The following ITPR1 variants were observed in gnomAD, a reference collection of about 807,000 sequenced individuals.
ITPR1 encodes the protein inositol 1,4,5-trisphosphate receptor type 1, also known as inositol 1,4,5-trisphosphate-gated calcium channel ITPR1.
In ITPR1, 96 loss-of-function variants were observed where a neutral mutation model predicts 318.4. The observed-to-expected ratio is 0.30, with a 90% confidence interval of 0.26 to 0.36. The LOEUF is 0.36. Among genes scored for constraint, ITPR1 ranks in the 10% least tolerant of loss-of-function variants. The pLI is 1.00. For missense variants in ITPR1, 2,440 were observed against 3,460.2 expected (o/e 0.71, Z 7.40); for synonymous variants, 1,312 against 1,289.9 (o/e 1.02, Z -0.37).
intron 44 of ITPR1, among the ~76,000 whole-genome samples, chr3:4,741,741 A>C (rs1264179760): frequency 2.0e-5 from 3 of 152,332 alleles, no homozygotes; most frequent in African/African-American, 4.8e-5. Flanking sequence ...ATGGAAGGCC[A>C]GTTTGTGAGG....
At chr3:4,518,229 G>A (rs1193338139) in intron 3 of ITPR1, among the ~76,000 whole-genome samples, 1 of 152,092 alleles carries the variant, frequency 6.6e-6, no homozygotes, top group East Asian at 1.9e-4. Context: ...CTATTCCCAT[G>A]TTTCCCCTGG....
At chr3:4,597,876 T>G (rs77441003) in intron 4 of ITPR1, among the ~76,000 whole-genome samples, 3,171 of 152,302 alleles carry the variant, frequency 0.021, 107 homozygotes, top group African/African-American at 0.073. Context: ...TTCTCACTAG[T>G]GTTCATGCCT....
intron 6 of ITPR1, among the ~76,000 whole-genome samples, chr3:4,639,752 G>C (rs2093293880): frequency 6.6e-6 from 1 of 151,686 alleles, no homozygotes. Flanking sequence ...AAGGAACCTG[G>C]CTGTGGCAGT....
intron 4 of ITPR1, among the ~76,000 whole-genome samples, chr3:4,545,714 T>A (rs1417631400): frequency 1.4e-5 from 2 of 141,952 alleles, no homozygotes; most frequent in African/African-American, 2.6e-5. Context: ...TTTTTTTTTT[T>A]AAAGACAGAG....
chr3:4,616,550 A>T lies in ITPR1; in HGVS notation c.164-11213A>T, dbSNP rs993301561. Among the ~76,000 whole-genome samples the T allele has an allele frequency of 5.3e-5, 8 of 152,178 alleles. No homozygotes were observed. The East Asian group carries it at 1.2e-3, about 22-fold the overall frequency. On this transcript the variant is annotated intron_variant, in intron 4 of 61. Transcript: ENST00000649015. ...TTCATATTCACTGCTTGTGTATATC[A>T]CCTATTGATTTCATCTCATATAAAA...
intron 15 of ITPR1, among the ~76,000 whole-genome samples, chr3:4,662,522 A>AG (rs1208631725): frequency 2.8e-4 from 42 of 152,310 alleles, no homozygotes; most frequent in African/African-American, 1.0e-3. Flanking sequence ...CAGCAGTTCG[A>AG]GACCAGCCTG....
intron 8 of ITPR1, among the ~76,000 whole-genome samples, chr3:4,644,769 T>G (rs59079559): frequency 0.15 from 22,230 of 152,230 alleles, 1,842 homozygotes; most frequent in African/African-American, 0.21. Flanking sequence ...GGGATAGATG[T>G]GGGTTCACAT....
At position 4,503,430 on chromosome 3, in the gene ITPR1, C is replaced by T. The variant is rs187591348; in HGVS notation, c.-17+8924C>T. ...GGTGTAAAAATAAAAATACCTGCTTCGGGTCATTGCTGCCGAGTTGTCTAA... is the reference window on the plus strand; with the variant it reads ...GGTGTAAAAATAAAAATACCTGCTTTGGGTCATTGCTGCCGAGTTGTCTAA... On this transcript the variant is annotated intron_variant, in intron 2 of 61. Coordinates refer to ENST00000649015, the MANE Select transcript of ITPR1 (RefSeq NM_001378452.1). Among the ~76,000 whole-genome samples, 9 of 152,188 alleles carry T rather than the reference C, an allele frequency of 5.9e-5. No homozygotes were observed. In the South Asian group the frequency reaches 6.2e-4, roughly 11 times the overall value.
At chr3:4,773,069 A>C (rs1294695865) in intron 46 of ITPR1, among the ~76,000 whole-genome samples, 1 of 152,262 alleles carries the variant, frequency 6.6e-6, no homozygotes, top group Non-Finnish European at 1.5e-5. Flanking sequence ...AGCGCTGTCA[A>C]CGTGGTCCTT....
Position 4,773,714 on chromosome 3 carries a change from A to T in ITPR1, c.5980-1528A>T, listed in dbSNP as rs77109297. Among the ~76,000 whole-genome samples the T allele has an allele frequency of 6.2e-3, 948 of 152,294 alleles. 2 individuals are homozygous for T. Among genetic ancestry groups the T allele is most frequent in the Non-Finnish European group, 0.01 (706 of 68,016 alleles). On this transcript the variant is annotated intron_variant, in intron 46 of 61. Transcript: ENST00000649015. ...GGCTGAGCCAACCCCTCAAACAGGT[A>T]GTATCTTCCCTGAGGAGCTGGAGCA...
intron 47 of ITPR1, 76 bp from the exon 48 acceptor site, chr3:4,777,188 C>T (rs2046536391): frequency 5.0e-6 from 4 of 802,442 alleles, no homozygotes; most frequent in Non-Finnish European, 2.1e-6. Flanking sequence ...GTTGAAATAG[C>T]AGTTCAGCCT....
At chr3:4,540,466 G>C (rs770350090) in intron 4 of ITPR1, among the ~76,000 whole-genome samples, 2 of 152,128 alleles carry the variant, frequency 1.3e-5, no homozygotes, top group Non-Finnish European at 2.9e-5. Flanking sequence ...GGAATGTTTA[G>C]TCCATTTACA....
chr3:4,519,710 A>T (rs1386169821), intron 3 of ITPR1, among the ~76,000 whole-genome samples: 1 of 152,198 alleles, frequency 6.6e-6, no homozygotes, highest in East Asian at 1.9e-4. Flanking sequence ...CTTCTTGTTT[A>T]TACAGTGAAG....
At chr3:4,680,776 A>G in intron 25 of ITPR1, 85 bp downstream of exon 25, 3 of 1,241,122 alleles carry the variant, frequency 2.4e-6, no homozygotes, top group Non-Finnish European at 3.3e-6. Context: ...TCTTCTAGAA[A>G]AAGGGTGAAA....
chr3:4,525,452 T>G lies in ITPR1; in HGVS notation c.163+4358T>G, dbSNP rs148136866. On this transcript the variant is annotated intron_variant, in intron 4 of 61. Transcript: ENST00000649015. ...ACATTTCCAAAGTGAATTGCTTTTTTTGTGTGTGTGTGTGATTTCCTTGAA... is the reference window on the plus strand; with the variant it reads ...ACATTTCCAAAGTGAATTGCTTTTTGTGTGTGTGTGTGTGATTTCCTTGAA... Among the ~76,000 whole-genome samples, 105 of 152,184 alleles carry G rather than the reference T, an allele frequency of 6.9e-4. No homozygotes were observed. In the Middle Eastern group the frequency reaches 0.01, roughly 15 times the overall value.
rs201292859 is a variant in ITPR1 at position 4,503,507 on chromosome 3, TC to T, written c.-17+9002del. On this transcript the variant is annotated intron_variant, in intron 2 of 61. Coordinates refer to ENST00000649015, the MANE Select transcript of ITPR1 (RefSeq NM_001378452.1). ...AGATAAAAAAACAAAGCAAAACCTA[TC>T]TATGTCCTAGAGCAGTGGTCTCAAT... Among the ~76,000 whole-genome samples the T allele has an allele frequency of 6.7e-4, 102 of 152,302 alleles. No homozygotes were observed. In the East Asian group the frequency reaches 0.017, roughly 25 times the overall value.
At chr3:4,708,145 G>A (rs138187052) in intron 37 of ITPR1, among the ~76,000 whole-genome samples, 271 of 152,250 alleles carry the variant, frequency 1.8e-3, no homozygotes, top group Middle Eastern at 0.017. Flanking sequence ...AGGAACAGCA[G>A]GACTTAAAGA....
chr3:4,553,601 CT>C (rs35264136), intron 4 of ITPR1, among the ~76,000 whole-genome samples: 80 of 134,322 alleles, frequency 6.0e-4, no homozygotes, highest in Middle Eastern at 3.8e-3. Context: ...TGGATAATTT[CT>C]TTTTTTTTTT....
rs535084564 is a variant in ITPR1 at position 4,728,804 on chromosome 3, C to T, written c.5220+1631C>T. Among the ~76,000 whole-genome samples, 4 of 152,292 alleles carry T rather than the reference C, an allele frequency of 2.6e-5. No homozygotes were observed. In the East Asian group the frequency reaches 5.8e-4, roughly 22 times the overall value. ...GATGCACCTGTACTCTGCTCACACA[C>T]CCAGGCCCCTGCCCAGTCCCACTAC... On this transcript the variant is annotated intron_variant, in intron 42 of 61. Coordinates refer to ENST00000649015, the MANE Select transcript of ITPR1 (RefSeq NM_001378452.1).
Sources: allele counts gnomAD v4.1 joint callset (sites outside exome capture counted in the v4.1 genomes callset), GRCh38; gene constraint gnomAD v4.1.1; transcripts MANE v1.5; gene names NCBI Gene and HGNC (gene_info 2026-07-23, HGNC 2026-07-21).